The following FASTKD1 variants were observed in gnomAD, a reference collection of about 807,000 sequenced individuals.
FASTKD1 encodes FAST kinase domain-containing protein 1, mitochondrial.
In FASTKD1, 94 loss-of-function variants were observed where a neutral mutation model predicts 90.9. The ratio of observed to expected loss-of-function variants is 1.03; its 90% confidence interval spans 0.88 to 1.23. FASTKD1 has a LOEUF of 1.23. Ranked by LOEUF, FASTKD1 falls within the 50% of genes most tolerant of loss-of-function variation. The pLI, the probability that FASTKD1 is intolerant of heterozygous loss-of-function variation, is 0.00. For missense variants in FASTKD1, 945 were observed against 993.5 expected (o/e 0.95, Z 0.66); for synonymous variants, 319 against 345.8 (o/e 0.92, Z 0.86).
chr2:169,562,940 C>T (rs529763364), intron 4 of FASTKD1, among the ~76,000 whole-genome samples: 14 of 152,164 alleles, frequency 9.2e-5, no homozygotes, highest in Admixed American at 4.6e-4. Context: ...CTACGGCACA[C>T]GTAGGAAAAT....
intron 7 of FASTKD1, among the ~76,000 whole-genome samples, chr2:169,551,945 A>G (rs566155692): frequency 6.6e-6 from 1 of 152,346 alleles, no homozygotes; most frequent in South Asian, 2.1e-4. Context: ...TTATATTTCA[A>G]TAAGTTAAAA....
intron 7 of FASTKD1, among the ~76,000 whole-genome samples, chr2:169,554,849 T>C (rs1685672487): frequency 6.6e-6 from 1 of 152,126 alleles, no homozygotes; most frequent in South Asian, 2.1e-4. Flanking sequence ...GTGACTCCAT[T>C]TTGCAGGAAA....
chr2:169,559,005 G>A (rs547394402), intron 5 of FASTKD1, among the ~76,000 whole-genome samples: 73 of 143,330 alleles, frequency 5.1e-4, no homozygotes, highest in Non-Finnish European at 8.5e-4. Context: ...TCAGAGTTTC[G>A]CTCTTGTTGC....
chr2:169,554,457 A>G (rs1685650979), intron 7 of FASTKD1, among the ~76,000 whole-genome samples: 1 of 151,918 alleles, frequency 6.6e-6, no homozygotes, highest in African/African-American at 2.4e-5. Flanking sequence ...TGAGGTCAGG[A>G]GTTCGAAACC....
intron 12 of FASTKD1, among the ~76,000 whole-genome samples, chr2:169,534,466 T>G (rs1293795660): frequency 6.8e-6 from 1 of 147,054 alleles, no homozygotes; most frequent in East Asian, 2.0e-4. Flanking sequence ...TTTTTTTCTT[T>G]TTTTTTTTTT....
At chr2:169,557,394 A>AAT (rs1553538209) in intron 5 of FASTKD1, 97 bp from the exon 6 acceptor site, 2 of 603,576 alleles carry the variant, frequency 3.3e-6, no homozygotes, top group African/African-American at 3.8e-5. Flanking sequence ...TAGGAAAAAA[A>AAT]ATATAAACAA....
chr2:169,530,719 A>G lies in FASTKD1; in HGVS notation c.2328-18T>C, dbSNP rs774324043. On this transcript the variant is annotated intron_variant, in intron 13 of 14. Transcript: ENST00000453153. ...AAGCAATCCTACATAAAATAAAAAAATATTTACTCCTAAAATCAGAATAAG... is the reference window on the plus strand; with the variant it reads ...AAGCAATCCTACATAAAATAAAAAAGTATTTACTCCTAAAATCAGAATAAG... 1.5e-5 allele frequency: 19 copies of G among 1,277,522 alleles called. No homozygotes were observed. The highest frequency in any genetic ancestry group is 2.1e-5 in the Non-Finnish European group (19 of 897,060). The allele number at this position is 1,277,522 out of a possible 1,614,324, so 79.1% of individuals were successfully genotyped here. A position where few individuals can be genotyped will look rare whatever the true frequency, so the allele number is the denominator to read the frequency against.
chr2:169,571,997 C>A lies in FASTKD1; in HGVS notation c.33G>T (p.Leu11Phe). The change falls in exon 2 of 15, where the codon TTG becomes TTT. Residue 11 changes from leucine to phenylalanine, a missense_variant. By Grantham distance (22) the Leu-to-Phe change is conservative (BLOSUM62 0). Transcript: ENST00000453153. ...CTCTTAGACGAAGCATATTTGTAAC[C>A]AATGACTCTAGGAAAACAGGTGTTT... is the stretch of plus-strand genomic sequence containing the variant. MKKTPVFLES[L>F]VTNMLRLRAI... 1 of 1,593,426 alleles carries A rather than the reference C, an allele frequency of 6.3e-7. No homozygotes were observed. Among genetic ancestry groups the A allele is most frequent in the Non-Finnish European group, 8.5e-7 (1 of 1,170,180 alleles).
At chr2:169,565,080 G>A (rs1261224586) in intron 3 of FASTKD1, among the ~76,000 whole-genome samples, 1 of 148,556 alleles carries the variant, frequency 6.7e-6, no homozygotes, top group South Asian at 2.1e-4. Context: ...TCAGCCTCCC[G>A]AGTAGCTGGG....
rs1038068279 is a variant in FASTKD1 at position 169,529,219 on chromosome 2, T to C, written c.*606A>G. ...CCTGCCCCCCATCTTGCTCTTCCTA[T>C]AGACTATCCCCATCTTAGTTAATGC... is the stretch of plus-strand genomic sequence containing the variant. On this transcript the variant is annotated 3_prime_UTR_variant, in exon 15 of 15. Coordinates refer to ENST00000453153, the MANE Select transcript of FASTKD1 (RefSeq NM_024622.6). Among the ~76,000 whole-genome samples the C allele has an allele frequency of 5.9e-5, 9 of 151,504 alleles. No homozygotes were observed. Among genetic ancestry groups the C allele is most frequent in the African/African-American group, 1.7e-4 (7 of 41,288 alleles).
In FASTKD1 at chr2:169,538,095, C is replaced by T. The variant is rs1332639707; in HGVS notation, c.1992G>A (p.Glu664=). Residue 664 remains glutamate, a synonymous_variant, in exon 11 of 15, where the codon GAG becomes GAA. Coordinates refer to ENST00000453153, the MANE Select transcript of FASTKD1 (RefSeq NM_024622.6). ...RSARVQFHLM[E]LNRSVCLECP... ...ATTCCAAGCAGACTGATCTATTTAA[C>T]TCCATAAGATGAAACTGGACTCTTG... The T allele has an allele frequency of 6.8e-6, 11 of 1,610,476 alleles. No homozygotes were observed. Among genetic ancestry groups the T allele is most frequent in the Non-Finnish European group, 9.3e-6 (11 of 1,178,556 alleles).
In FASTKD1 at chr2:169,544,839, T is replaced by C. The variant is rs371143972; in HGVS notation, c.1702-4A>G. The C allele has an allele frequency of 1.3e-6, 2 of 1,528,194 alleles. No homozygotes were observed. The highest frequency in any genetic ancestry group is 2.8e-5 in the African/African-American group (2 of 71,808). 94.7% of individuals were successfully genotyped at this position (1,528,194 alleles called of 1,614,324 possible). On this transcript the variant is annotated splice_region_variant and splice_polypyrimidine_tract_variant and intron_variant, in intron 8 of 14. Transcript: ENST00000453153. Reference sequence around the variant, plus strand: ...CAGGGATTGTAAAAGGATGGATCTGTATAAAAAGAACAAAAAATTTATAGT... The same window carrying C: ...CAGGGATTGTAAAAGGATGGATCTGCATAAAAAGAACAAAAAATTTATAGT...
intron 4 of FASTKD1, among the ~76,000 whole-genome samples, chr2:169,561,863 ATAAT>A (rs1170392216): frequency 2.3e-4 from 3 of 12,772 alleles, no homozygotes; most frequent in African/African-American, 5.2e-4. Context: ...TTATTGTAAA[ATAAT>A]TATTTATTAA....
chr2:169,555,101 C>A (rs750022762), intron 7 of FASTKD1, 23 bp downstream of exon 7: 7 of 1,596,522 alleles, frequency 4.4e-6, no homozygotes, highest in Non-Finnish European at 6.0e-6. Flanking sequence ...AAACACTAAA[C>A]AAAATTTCTA....
chr2:169,560,277 C>A, intron 5 of FASTKD1, 110 bp downstream of exon 5: 1 of 761,490 alleles, frequency 1.3e-6, no homozygotes, highest in Non-Finnish European at 2.0e-6. Context: ...TTTTCCCTTC[C>A]ACAACCTAAT....
intron 12 of FASTKD1, 187 bp from the exon 13 acceptor site, chr2:169,531,677 A>C: frequency 3.9e-6 from 2 of 512,810 alleles, no homozygotes; most frequent in South Asian, 6.9e-5. Flanking sequence ...CTCTTTGGAA[A>C]TCAATCAATA....
intron 2 of FASTKD1, among the ~76,000 whole-genome samples, chr2:169,570,675 C>T (rs1185230921): frequency 2.2e-5 from 3 of 134,882 alleles, no homozygotes; most frequent in East Asian, 2.1e-4. Context: ...TTAGGCATTA[C>T]TTTTTTTTTT....
chr2:169,537,264 T>C lies in FASTKD1; in HGVS notation c.2151A>G (p.Val717=), dbSNP rs748422410. The change falls in exon 12 of 15, where the codon GTA becomes GTG. Residue 717 remains valine (V), a synonymous_variant. Coordinates refer to ENST00000453153, the MANE Select transcript of FASTKD1 (RefSeq NM_024622.6). ...LAEVLGGINC[V]KASVLTPYYH... is the part of the protein sequence containing the mutation. ...AATAAGGCGTAAGAACCGAGGCTTT[T>C]ACACAATTGATTCCTCCTAGTACCT... The C allele has an allele frequency of 3.1e-6, 5 of 1,613,312 alleles. No homozygotes were observed. In the African/African-American group the frequency reaches 4.0e-5, roughly 13 times the overall value.
chr2:169,531,172 G>A, intron 13 of FASTKD1, 180 bp downstream of exon 13: 1 of 779,664 alleles, frequency 1.3e-6, no homozygotes, highest in South Asian at 1.4e-5. Flanking sequence ...CTAGGCTTTG[G>A]ACAGAAGAAG....
Sources: gnomAD v4.1 joint callset for allele counts (sites outside exome capture counted in the v4.1 genomes callset) on GRCh38, gnomAD v4.1.1 for gene constraint, MANE v1.5 for transcripts, NCBI Gene and HGNC (gene_info 2026-07-23, HGNC 2026-07-21) for gene names.